Variants in NUP214 observed in about 807,000 individuals in gnomAD.
The protein encoded by NUP214 is nucleoporin 214, also known as nuclear pore complex protein Nup214.
NUP214 carries 79 observed loss-of-function variants against 196.2 expected under a neutral mutation model. That is an observed-to-expected ratio of 0.40 (90% CI 0.34 to 0.49). The LOEUF (loss-of-function observed/expected upper bound fraction) is 0.49, where lower values mean the gene tolerates loss of function less well. Ranked by LOEUF, NUP214 falls within the 20% of genes least tolerant of loss-of-function variation. The pLI, the probability that NUP214 is intolerant of heterozygous loss-of-function variation, is 0.58. For missense variants in NUP214, 2,468 were observed against 2,539.0 expected (o/e 0.97, Z 0.60); for synonymous variants, 1,020 against 990.5 (o/e 1.03, Z -0.56).
intron 2 of NUP214, 44 bp from the exon 3 acceptor site, chr9:131,128,288 T>C: frequency 2.5e-6 from 4 of 1,584,566 alleles, no homozygotes; most frequent in Non-Finnish European, 2.6e-6. Context: ...GGCTTTATGC[T>C]TAGAACATAC....
At chr9:131,210,181 A>C (rs188568441) in intron 30 of NUP214, among the ~76,000 whole-genome samples, 2 of 152,258 alleles carry the variant, frequency 1.3e-5, no homozygotes, top group Admixed American at 1.3e-4. Flanking sequence ...GACACCCACA[A>C]TTAAATTTTT....
At chr9:131,204,902 C>T (rs935790747) in intron 30 of NUP214, among the ~76,000 whole-genome samples, 5 of 152,306 alleles carry the variant, frequency 3.3e-5, no homozygotes, top group African/African-American at 9.6e-5. Flanking sequence ...AGAAAAAAGA[C>T]AGATTATCTT....
chr9:131,192,970 G>T (rs187768839), intron 27 of NUP214, among the ~76,000 whole-genome samples: 1 of 135,984 alleles, frequency 7.4e-6, no homozygotes, highest in Non-Finnish European at 1.6e-5. Flanking sequence ...AAAAAAAAAG[G>T]CTTACTGCAT....
Position 131,198,787 on chromosome 9 carries a change from A to G in NUP214, c.5293A>G (p.Thr1765Ala), listed in dbSNP as rs1833867425. The change falls in exon 29 of 36, where the codon ACA becomes GCA. Residue 1765 changes from threonine to alanine, a missense_variant. Transcript: ENST00000359428. ...AFGQPASSTP[T>A]STSGSVFGAA... Reference sequence around the variant, plus strand: ...CGGTCAGCCTGCTTCCTCCACTCCCACATCCACCAGTGGAAGTGTCTTTGG... The same window carrying G: ...CGGTCAGCCTGCTTCCTCCACTCCCGCATCCACCAGTGGAAGTGTCTTTGG... 6.2e-7 allele frequency: 1 copy of G among 1,614,122 alleles called. No individual in the cohort carries two copies. Among genetic ancestry groups the G allele is most frequent in the Non-Finnish European group, 8.5e-7 (1 of 1,180,018 alleles).
Position 131,150,741 on chromosome 9 carries a change from T to C in NUP214, c.2253T>C (p.Leu751=). ...AATCAGATGACTTGCATACCTTTCT[T>C]TTGGAGATTAAAGAGACCACAGAGG... The part of the protein sequence containing the change: ...RTESDDLHTF[L]LEIKETTESL... The change falls in exon 16 of 36, where the codon CTT becomes CTC. Residue 751 remains leucine, a synonymous_variant. Transcript: ENST00000359428. 1 of 1,613,362 alleles carries C rather than the reference T, an allele frequency of 6.2e-7. No homozygotes were observed. The highest frequency in any genetic ancestry group is 8.5e-7 in the Non-Finnish European group (1 of 1,179,786).
chr9:131,154,448 C>T (rs1234808793), intron 17 of NUP214, among the ~76,000 whole-genome samples: 1 of 151,318 alleles, frequency 6.6e-6, no homozygotes, highest in Non-Finnish European at 1.5e-5. Flanking sequence ...GTCTGTCTGT[C>T]TATCTATCTA....
intron 30 of NUP214, among the ~76,000 whole-genome samples, chr9:131,208,248 AAAG>A (rs1214704396): frequency 1.3e-5 from 2 of 152,260 alleles, no homozygotes. Context: ...GAATTGAAAA[AAAG>A]GGATTCGAAC....
At chr9:131,230,831 A>C (rs767635357) in intron 34 of NUP214, 62 bp downstream of exon 34, 3 of 1,549,740 alleles carry the variant, frequency 1.9e-6, no homozygotes, top group Non-Finnish European at 2.6e-6. Context: ...TCTCCCCCAA[A>C]GAAATGAGTA....
At chr9:131,142,348 T>C (rs1198787262) in intron 11 of NUP214, among the ~76,000 whole-genome samples, 1 of 152,234 alleles carries the variant, frequency 6.6e-6, no homozygotes, top group Non-Finnish European at 1.5e-5. Flanking sequence ...GAAACTCCCC[T>C]CTTCCTTCAC....
chr9:131,232,547 G>A lies in NUP214; in HGVS notation c.6239+239G>A, dbSNP rs1834909219. The A allele has an allele frequency of 1.7e-6, 1 of 588,144 alleles. No individual in the cohort carries two copies. The highest frequency in any genetic ancestry group is 3.0e-6 in the Non-Finnish European group (1 of 328,930). 36.4% of individuals were successfully genotyped at this position (588,144 alleles called of 1,614,324 possible). On this transcript the variant is annotated intron_variant, in intron 35 of 35. Coordinates refer to ENST00000359428, the MANE Select transcript of NUP214 (RefSeq NM_005085.4). The surrounding 1 kb of genome is among the most constrained non-coding windows in gnomAD (Gnocchi z 5.1). Reference sequence around the variant, plus strand: ...TAAGAGGCGTGGTTCAAAGAGAAAAGAGCACGCCTGCCAGTGAGCTGGGCC... The same window carrying A: ...TAAGAGGCGTGGTTCAAAGAGAAAAAAGCACGCCTGCCAGTGAGCTGGGCC...
Position 131,209,791 on chromosome 9 carries a change from C to T in NUP214, c.5593-5421C>T, listed in dbSNP as rs150086760. Among the ~76,000 whole-genome samples the T allele has an allele frequency of 1.4e-3, 215 of 152,304 alleles. 1 individual carries two copies. Among genetic ancestry groups the T allele is most frequent in the Middle Eastern group, 6.8e-3 (2 of 294 alleles). Reference sequence around the variant, plus strand: ...GCATACATATCCTCCAGCTCTCCCCCGCTAATCCTCCCCAACTTTGCAAAG... The same window carrying T: ...GCATACATATCCTCCAGCTCTCCCCTGCTAATCCTCCCCAACTTTGCAAAG... On this transcript the variant is annotated intron_variant, in intron 30 of 35. Transcript: ENST00000359428.
At chr9:131,192,379 T>G (rs1207386795) in intron 27 of NUP214, 87 bp downstream of exon 27, 12 of 796,164 alleles carry the variant, frequency 1.5e-5, no homozygotes, top group Non-Finnish European at 2.2e-5. Context: ...ATTTACTTAT[T>G]AAATGTGTAT....
intron 31 of NUP214, among the ~76,000 whole-genome samples, chr9:131,220,682 A>G (rs994552834): frequency 6.6e-6 from 1 of 152,098 alleles, no homozygotes; most frequent in African/African-American, 2.4e-5. Flanking sequence ...CAGAGTCACA[A>G]TTGCTGTCCT....
Position 131,198,687 on chromosome 9 carries a change from C to G in NUP214, c.5193C>G (p.Val1731=), listed in dbSNP as rs1362264137. The G allele has an allele frequency of 6.2e-7, 1 of 1,614,138 alleles. No individual in the cohort carries two copies. Among genetic ancestry groups the G allele is most frequent in the East Asian group, 2.2e-5 (1 of 44,906 alleles). Residue 1731 remains valine, a synonymous_variant, in exon 29 of 36, where the codon GTC becomes GTG. Coordinates refer to ENST00000359428, the MANE Select transcript of NUP214 (RefSeq NM_005085.4). The part of the protein sequence containing the change: ...FGQTTFGQAS[V]FGQSASSAAS... ...AGACAACCTTCGGGCAGGCCTCAGT[C>G]TTTGGGCAGTCGGCGAGCAGTGCTG...
intron 18 of NUP214, among the ~76,000 whole-genome samples, chr9:131,160,871 T>G (rs577888428): frequency 6.6e-6 from 1 of 152,276 alleles, no homozygotes; most frequent in African/African-American, 2.4e-5. Flanking sequence ...CTGTGGCCTG[T>G]GGACTGGAGC....
chr9:131,135,447 T>G (rs1831695640), intron 8 of NUP214, among the ~76,000 whole-genome samples: 1 of 152,218 alleles, frequency 6.6e-6, no homozygotes, highest in Admixed American at 6.5e-5. Flanking sequence ...TGATAATGTC[T>G]TTCTATTATT....
intron 26 of NUP214, 123 bp from the exon 27 acceptor site, chr9:131,192,085 C>A: frequency 1.6e-6 from 1 of 608,424 alleles, no homozygotes; most frequent in East Asian, 3.1e-5. Flanking sequence ...TCACAGAAGG[C>A]ACATGTGGTG....
chr9:131,169,023 TG>T (rs2133571301), intron 21 of NUP214, among the ~76,000 whole-genome samples: 1 of 52,270 alleles, frequency 1.9e-5, no homozygotes, highest in African/African-American at 6.0e-5. Flanking sequence ...CTGCTTACTT[TG>T]TTTTTTTTTG....
rs764038680 is a variant in NUP214 at position 131,128,503 on chromosome 9, T to C, written c.393+20T>C. The C allele has an allele frequency of 6.9e-6, 11 of 1,587,836 alleles. No individual in the cohort carries two copies. The Admixed American group carries it at 1.9e-4, about 28-fold the overall frequency. On this transcript the variant is annotated intron_variant, in intron 3 of 35. Transcript: ENST00000359428. ...AATGAGGTAAGCTACTGTTATACTG[T>C]GATGTCAACATGAGAACCCTAAGCA...
Sources: gnomAD v4.1 joint callset for allele counts (sites outside exome capture counted in the v4.1 genomes callset) on GRCh38, gnomAD v4.1.1 for gene constraint, Gnocchi (gnomAD v3.1) non-coding constraint, MANE v1.5 for transcripts, NCBI Gene and HGNC (gene_info 2026-07-23, HGNC 2026-07-21) for gene names.